Variants in NT5DC4 observed in about 807,000 individuals in gnomAD.
NT5DC4 encodes 5'-nucleotidase domain-containing protein 4.
A neutral mutation model predicts 26.6 loss-of-function variants in NT5DC4; 44 were observed. The ratio of observed to expected loss-of-function variants is 1.65; its 90% CI spans 1.30 to 2.13. The LOEUF is 2.13. NT5DC4 is among the 30% of genes most tolerant of loss of function. The probability of loss-of-function intolerance (pLI) is 0.00; values close to 1 mark genes in which losing one functional copy is unlikely to be tolerated. For missense variants in NT5DC4, 399 were observed against 228.1 expected, an observed-to-expected ratio of 1.75 and a Z score of -4.83; for synonymous variants, 157 against 86.7, an observed-to-expected ratio of 1.81 and a Z score of -4.51.
chr2:112,719,974 C>CTTTT (rs796607963), upstream of NT5DC4, among the ~76,000 whole-genome samples: 8,019 of 79,594 alleles, frequency 0.1, 554 homozygotes, highest in East Asian at 0.16. Flanking sequence ...TTCTTTCTTT[C>CTTTT]TTTCTTTCTT....
rs772461263 is a variant in NT5DC4 at position 112,725,125 on chromosome 2, A to G, written c.916-49A>G. 6 of 695,794 alleles carry G rather than the reference A, an allele frequency of 8.6e-6. No homozygotes were observed. The South Asian group carries it at 9.1e-5, about 11-fold the overall frequency. 43.1% of individuals were successfully genotyped at this position (695,794 alleles called of 1,614,324 possible). ...TCCCTGCGACCCTCCCTAGCTAGAG[A>G]CCAAAGATGTGGTTCTCCTGGCTCC... is the stretch of plus-strand genomic sequence containing the variant. On this transcript the variant is annotated intron_variant, in intron 11 of 16. Coordinates refer to ENST00000688554, the MANE Select transcript of NT5DC4 (RefSeq NM_001393655.1).
chr2:112,719,926 CTT>C (rs1215191884), upstream of NT5DC4, among the ~76,000 whole-genome samples: 1 of 16,862 alleles, frequency 5.9e-5, no homozygotes, highest in Non-Finnish European at 1.5e-4. Flanking sequence ...CTTTCTTTCT[CTT>C]TCTTTCTTTC....
intron 16 of NT5DC4, chr2:112,731,526 A>G (rs948713231): frequency 1.3e-5 from 2 of 152,224 alleles, no homozygotes; most frequent in African/African-American, 4.8e-5. Context: ...ATTCTGGGTC[A>G]CTACGAAAGA....
downstream of NT5DC4, among the ~76,000 whole-genome samples, chr2:112,742,111 A>G (rs1012707908): frequency 6.6e-5 from 10 of 152,252 alleles, no homozygotes; most frequent in Admixed American, 2.0e-4. Context: ...TTAAAGGAAA[A>G]AGATTTGTCA....
chr2:112,732,173 C>T (rs1036031277), intron 16 of NT5DC4, among the ~76,000 whole-genome samples: 2 of 151,866 alleles, frequency 1.3e-5, no homozygotes, highest in Admixed American at 6.6e-5. Context: ...GGCCTCTTAA[C>T]GTGTAGGGAT....
intron 16 of NT5DC4, chr2:112,731,698 G>A (rs1010478067): frequency 3.3e-5 from 5 of 152,150 alleles, no homozygotes; most frequent in African/African-American, 1.2e-4. Flanking sequence ...ACTGATTTCA[G>A]TTTACTCCTA....
chr2:112,726,614 G>T (rs2104751907), intron 14 of NT5DC4, 64 bp from the exon 15 acceptor site: 1 of 717,258 alleles, frequency 1.4e-6, no homozygotes, highest in African/African-American at 1.7e-5. Flanking sequence ...GGGGTCTAAG[G>T]AGACTGTCCT....
In NT5DC4 at chr2:112,723,403, T is replaced by A; in HGVS notation, c.622-15T>A. The A allele has an allele frequency of 2.0e-6, 1 of 502,204 alleles. No homozygotes were observed. Among genetic ancestry groups the A allele is most frequent in the Non-Finnish European group, 3.5e-6 (1 of 285,430 alleles). 31.1% of individuals were successfully genotyped at this position (502,204 alleles called of 1,614,324 possible). ...CACACACACACACACACAGGCACTTTGCTCCCTCCTGCAGGGCTGTCTCAA... is the reference window on the plus strand; with the variant it reads ...CACACACACACACACACAGGCACTTAGCTCCCTCCTGCAGGGCTGTCTCAA... On this transcript the variant is annotated splice_polypyrimidine_tract_variant and intron_variant, in intron 7 of 16. Transcript: ENST00000688554.
downstream of NT5DC4, among the ~76,000 whole-genome samples, chr2:112,739,386 A>C (rs1679694173): frequency 1.3e-5 from 2 of 152,098 alleles, no homozygotes. Flanking sequence ...ATGCCATTGT[A>C]CTCCAGTCTG....
At position 112,722,206 on chromosome 2, in the gene NT5DC4, A is replaced by T. The variant is rs549791452; in HGVS notation, c.290A>T (p.Tyr97Phe). ...PTRRLVFDEL[Y>F]GNLLKVDAHG... is the part of the protein sequence containing the mutation. ...AGGCGGCTGGTGTTCGATGAACTCT[A>T]TGGGAACCTGCTGAAGGTGGACGCC... Residue 97 changes from tyrosine (Y) to phenylalanine (F), a missense_variant, in exon 4 of 17, where the codon TAT (tyrosine) becomes TTT (phenylalanine). Coordinates refer to ENST00000688554, the MANE Select transcript of NT5DC4 (RefSeq NM_001393655.1). 2.2e-5 allele frequency: 16 copies of T among 716,764 alleles called. No individual in the cohort carries two copies. The highest frequency in any genetic ancestry group is 4.2e-5 in the Non-Finnish European group (16 of 385,076). The allele number at this position is 716,764 out of a possible 1,614,324, so 44.4% of individuals were successfully genotyped here.
At position 112,726,290 on chromosome 2, in the gene NT5DC4, G is replaced by A. The variant is rs1177664609; in HGVS notation, c.1205+1G>A. 1 of 717,174 alleles carries A rather than the reference G, an allele frequency of 1.4e-6. No individual in the cohort carries two copies. Among genetic ancestry groups the A allele is most frequent in the Non-Finnish European group, 2.6e-6 (1 of 384,996 alleles). 44.4% of individuals were successfully genotyped at this position (717,174 alleles called of 1,614,324 possible). A position where few individuals can be genotyped will look rare whatever the true frequency, so the allele number is the denominator to read the frequency against. On this transcript the variant is annotated splice_donor_variant, in intron 14 of 16. Transcript: ENST00000688554. LOFTEE classifies it high-confidence loss of function. ...ACACGCACCTGGCAGACATATACCA[G>A]TGAGACCCTGGCCTTTCTGGGGGTG...
At chr2:112,729,865 G>A (rs1351299208) in intron 16 of NT5DC4, among the ~76,000 whole-genome samples, 161 bp downstream of exon 16, 1 of 152,146 alleles carries the variant, frequency 6.6e-6, no homozygotes, top group African/African-American at 2.4e-5. Flanking sequence ...CATTATTTAT[G>A]TAAAAATGCG....
intron 16 of NT5DC4, among the ~76,000 whole-genome samples, chr2:112,733,735 G>C (rs1227243379): frequency 6.6e-6 from 1 of 152,212 alleles, no homozygotes; most frequent in Admixed American, 6.5e-5. Flanking sequence ...ACTAGTGACA[G>C]CAGCTGAACT....
intron 10 of NT5DC4, 68 bp downstream of exon 10, chr2:112,724,194 C>T: frequency 1.4e-6 from 1 of 715,332 alleles, no homozygotes; most frequent in Non-Finnish European, 2.6e-6. Context: ...CCAGGCTGCA[C>T]CACGATGCTG....
chr2:112,742,379 T>C (rs1680037646), downstream of NT5DC4: 1 of 717,438 alleles, frequency 1.4e-6, no homozygotes, highest in Non-Finnish European at 2.6e-6. Context: ...TGATTAAACA[T>C]GTAACTTAAG....
At chr2:112,729,278 A>G (rs911318054) in intron 15 of NT5DC4, among the ~76,000 whole-genome samples, 5 of 152,138 alleles carry the variant, frequency 3.3e-5, no homozygotes, top group African/African-American at 1.2e-4. Flanking sequence ...ATGCACTACC[A>G]TGCCCAGCTA....
intron 13 of NT5DC4, 50 bp downstream of exon 13, chr2:112,725,602 A>G (rs1030559919): frequency 4.0e-5 from 26 of 643,338 alleles, no homozygotes; most frequent in Non-Finnish European, 6.7e-5. Context: ...CCTCCCATGC[A>G]GAGGCCCCAG....
In NT5DC4 at chr2:112,721,841, C is replaced by A. The variant is rs948150625; in HGVS notation, c.98C>A (p.Ala33Glu). Residue 33 changes from alanine to glutamate, a missense_variant, in exon 2 of 17, where the codon GCG becomes GAG. Transcript: ENST00000688554. Reference sequence around the variant, plus strand: ...AGGATTTTTGTCAACCGCAGCCTGGCGCTGGGGAAGATTCGTTGCTTTGGC... The same window carrying A: ...AGGATTTTTGTCAACCGCAGCCTGGAGCTGGGGAAGATTCGTTGCTTTGGC... ...HQRIFVNRSL[A>E]LGKIRCFGFD... 2.8e-6 allele frequency: 2 copies of A among 717,188 alleles called. No individual in the cohort carries two copies. The highest frequency in any genetic ancestry group is 3.5e-5 in the African/African-American group (2 of 57,266). The allele number at this position is 717,188 out of a possible 1,614,324, so 44.4% of individuals were successfully genotyped here.
chr2:112,729,914 C>T (rs1678275056), intron 16 of NT5DC4, among the ~76,000 whole-genome samples: 1 of 152,040 alleles, frequency 6.6e-6, no homozygotes, highest in African/African-American at 2.4e-5. Flanking sequence ...TTTATTTCTC[C>T]TTTGTTAGAG....
Sources: allele counts gnomAD v4.1 joint callset (sites outside exome capture counted in the v4.1 genomes callset), GRCh38; gene constraint gnomAD v4.1.1; transcripts MANE v1.5; gene names NCBI Gene and HGNC (gene_info 2026-07-23, HGNC 2026-07-21).